Variants in CRTC1 observed in about 807,000 individuals in gnomAD.
CRTC1 encodes the protein CREB regulated transcription coactivator 1.
Under a neutral mutation model 66.1 loss-of-function variants are expected in CRTC1, and 18 were observed. The ratio of observed to expected loss-of-function variants is 0.27; its 90% CI spans 0.19 to 0.40. The LOEUF is 0.40. Ranked by LOEUF, CRTC1 falls within the 10% of genes least tolerant of loss-of-function variation. The probability of loss-of-function intolerance (pLI) is 1.00; values close to 1 mark genes in which losing one functional copy is unlikely to be tolerated. For missense variants in CRTC1, 669 were observed against 887.9 expected, an observed-to-expected ratio of 0.75 and a Z score of 3.13; for synonymous variants, 416 against 398.8, an observed-to-expected ratio of 1.04 and a Z score of -0.51.
rs1377785124 is a variant in CRTC1, at chr19:18,770,019, C to T, written c.1320+1226C>T. 2.0e-5 allele frequency among the ~76,000 whole-genome samples: 3 copies of T among 150,590 alleles called. No homozygotes were observed. In the East Asian group the frequency reaches 5.9e-4, roughly 30 times the overall value. On this transcript the variant is annotated intron_variant, in intron 10 of 13. Transcript: ENST00000321949. ...GCTCACCGCCACCCCCCGCCCTACCCCACCCCGCCCCACCTGGACTCAAGC... is the reference window on the plus strand; with the variant it reads ...GCTCACCGCCACCCCCCGCCCTACCTCACCCCGCCCCACCTGGACTCAAGC...
At position 18,760,275 on chromosome 19, in the gene CRTC1, G is replaced by A. The variant is rs1043955774; in HGVS notation, c.886+47G>A. 4.9e-6 allele frequency: 7 copies of A among 1,415,270 alleles called. No homozygotes were observed. The Admixed American group carries it at 7.9e-5, about 16-fold the overall frequency. The allele number at this position is 1,415,270 out of a possible 1,614,324, so 87.7% of individuals were successfully genotyped here. A position where few individuals can be genotyped will look rare whatever the true frequency, so the allele number is the denominator to read the frequency against. On this transcript the variant is annotated intron_variant, in intron 8 of 13. Coordinates refer to ENST00000321949, the MANE Select transcript of CRTC1 (RefSeq NM_015321.3). The surrounding 1 kb of genome is among the most constrained non-coding windows in gnomAD (Gnocchi z 6.2). ...CTCGGACAGAGCACTGGCTTGTGGA[G>A]ACAACACGGGCATCTGCAGGATGAC...
chr19:18,744,505 C>CACACAT, intron 2 of CRTC1, among the ~76,000 whole-genome samples: 1 of 152,304 alleles, frequency 6.6e-6, no homozygotes, highest in African/African-American at 2.4e-5. Context: ...CACACACACA[C>CACACAT]ACACACATAC....
rs920751999 is a variant in CRTC1 at position 18,758,360 on chromosome 19, TA to T, written c.625-1176del. On this transcript the variant is annotated intron_variant, in intron 6 of 13. Coordinates refer to ENST00000321949, the MANE Select transcript of CRTC1 (RefSeq NM_015321.3). Reference sequence around the variant, plus strand: ...GAGAGACAGAGTGAGACTCCGTCTCTAAAAAAAAAAAAAAAGAAAGAAAAAA... The same window carrying T: ...GAGAGACAGAGTGAGACTCCGTCTCTAAAAAAAAAAAAAAGAAAGAAAAAA... 5.3e-3 allele frequency among the ~76,000 whole-genome samples: 571 copies of T among 108,176 alleles called. 1 individual carries two copies. The highest frequency in any genetic ancestry group is 5.5e-3 in the African/African-American group (161 of 29,014). The allele number at this position is 108,176 out of a possible 152,430, so 71.0% of individuals were successfully genotyped here. A position where few individuals can be genotyped will look rare whatever the true frequency, so the allele number is the denominator to read the frequency against.
chr19:18,703,522 G>A (rs1226904707), intron 1 of CRTC1, among the ~76,000 whole-genome samples: 2 of 152,048 alleles, frequency 1.3e-5, no homozygotes, highest in East Asian at 3.9e-4. Context: ...GCAGTGGCAC[G>A]ATCTCAGCTC....
chr19:18,709,123 G>C (rs2053332260), intron 1 of CRTC1, among the ~76,000 whole-genome samples: 1 of 152,326 alleles, frequency 6.6e-6, no homozygotes, highest in African/African-American at 2.4e-5. Context: ...GGCATGGGAG[G>C]GGCCTTGTGG....
At chr19:18,759,956 G>GCCAGCCCCCGGTCCCCGCCA in intron 7 of CRTC1, 52 bp from the exon 8 acceptor site, 7 of 1,221,314 alleles carry the variant, frequency 5.7e-6, no homozygotes, top group Non-Finnish European at 6.9e-6. Flanking sequence ...TGTCCCCGCC[G>GCCAGCCCCCGGTCCCCGCCA]CCAGCCCCGC....
At chr19:18,766,844 A>T (rs1219523488) in intron 9 of CRTC1, among the ~76,000 whole-genome samples, 1 of 152,230 alleles carries the variant, frequency 6.6e-6, no homozygotes, top group Non-Finnish European at 1.5e-5. Context: ...TACCTAATCA[A>T]TGCAGCTTCA....
intron 6 of CRTC1, among the ~76,000 whole-genome samples, chr19:18,756,670 G>C (rs1411286067): frequency 6.6e-6 from 1 of 151,948 alleles, no homozygotes; most frequent in Non-Finnish European, 1.5e-5. Flanking sequence ...TCCAGCAGCA[G>C]AGAGGTGGGT....
chr19:18,743,357 G>A (rs1294978840), intron 2 of CRTC1, among the ~76,000 whole-genome samples: 1 of 152,220 alleles, frequency 6.6e-6, no homozygotes, highest in Non-Finnish European at 1.5e-5. Context: ...TCACTAATCC[G>A]CAAGCCCAGC....
intron 2 of CRTC1, chr19:18,743,959 A>C: frequency 1.4e-6 from 1 of 714,064 alleles, no homozygotes; most frequent in Non-Finnish European, 2.3e-6. Flanking sequence ...GCACCTTGCA[A>C]GCTCAGCCTG....
At chr19:18,744,755 T>G (rs1320530618) in intron 2 of CRTC1, among the ~76,000 whole-genome samples, 1 of 152,050 alleles carries the variant, frequency 6.6e-6, no homozygotes, top group African/African-American at 2.4e-5. Flanking sequence ...CCACAGCCTT[T>G]TGGGGGCAAG....
intron 8 of CRTC1, among the ~76,000 whole-genome samples, chr19:18,762,618 C>G (rs2145817684): frequency 6.6e-6 from 1 of 152,334 alleles, no homozygotes; most frequent in South Asian, 2.1e-4. Flanking sequence ...CTCCTCCTTC[C>G]TGGCCCAGCT....
chr19:18,697,767 AT>A (rs2053028476), intron 1 of CRTC1, among the ~76,000 whole-genome samples: 1 of 152,218 alleles, frequency 6.6e-6, no homozygotes, highest in Admixed American at 6.5e-5. Flanking sequence ...TGCTGCCAAG[AT>A]GCTGGAGGTG....
At chr19:18,772,802 C>T (rs2054899343) in intron 11 of CRTC1, among the ~76,000 whole-genome samples, 1 of 152,182 alleles carries the variant, frequency 6.6e-6, no homozygotes, top group South Asian at 2.1e-4. Context: ...GGTCTGCCCG[C>T]ACTGGCTCTC....
chr19:18,751,197 A>T (rs1267955584), intron 5 of CRTC1, among the ~76,000 whole-genome samples: 1 of 152,002 alleles, frequency 6.6e-6, no homozygotes, highest in South Asian at 2.1e-4. Context: ...AGTTACAAGT[A>T]AAAAAAATGA....
chr19:18,749,530 G>A (rs1051174781), intron 4 of CRTC1, among the ~76,000 whole-genome samples: 1 of 152,230 alleles, frequency 6.6e-6, no homozygotes, highest in African/African-American at 2.4e-5. Flanking sequence ...CTCCTGTGTC[G>A]CTGGGACCAC....
chr19:18,771,556 G>A lies in CRTC1; in HGVS notation c.1425+10G>A, dbSNP rs373366550. 3.8e-4 allele frequency: 605 copies of A among 1,602,392 alleles called. 1 individual carries two copies. Among genetic ancestry groups the A allele is most frequent in the South Asian group, 6.9e-4 (62 of 89,958 alleles). Reference sequence around the variant, plus strand: ...AGGGAGCTCCCCGCAAGTAAGGGGCGCCGCCTCCCCCTTGGCCTGTGGGCT... The same window carrying A: ...AGGGAGCTCCCCGCAAGTAAGGGGCACCGCCTCCCCCTTGGCCTGTGGGCT... On this transcript the variant is annotated intron_variant, in intron 11 of 13. Coordinates refer to ENST00000321949, the MANE Select transcript of CRTC1 (RefSeq NM_015321.3). This position sits in a 1 kb window ranked among gnomAD's most constrained non-coding sequence, Gnocchi z 4.6.
At chr19:18,691,736 T>A (rs2052844341) in intron 1 of CRTC1, among the ~76,000 whole-genome samples, 1 of 151,786 alleles carries the variant, frequency 6.6e-6, no homozygotes, top group Non-Finnish European at 1.5e-5. Flanking sequence ...TTTTTTGAGA[T>A]GGAGTCTCAC....
chr19:18,775,550 G>A (rs1253306469), intron 12 of CRTC1, 91 bp from the exon 13 acceptor site: 11 of 1,185,282 alleles, frequency 9.3e-6, no homozygotes, highest in African/African-American at 1.6e-5. Flanking sequence ...CCCCAGCTGC[G>A]GGCAGGACAG....
Sources: allele counts gnomAD v4.1 joint callset (sites outside exome capture counted in the v4.1 genomes callset), GRCh38; gene constraint gnomAD v4.1.1; non-coding constraint Gnocchi (gnomAD v3.1); transcripts MANE v1.5; gene names NCBI Gene and HGNC (gene_info 2026-07-23, HGNC 2026-07-21).